Variants in VWC2L observed in about 807,000 individuals in gnomAD.
VWC2L encodes von Willebrand factor C domain-containing protein 2-like.
Under a neutral mutation model 21.6 loss-of-function variants are expected in VWC2L, and 10 were observed. That is an observed-to-expected ratio of 0.46 (90% CI 0.29 to 0.78). VWC2L has a LOEUF of 0.78. VWC2L is among the 30% of genes least tolerant of loss of function. The pLI, the probability that VWC2L is intolerant of heterozygous loss-of-function variation, is 0.10. For missense variants in VWC2L, 209 were observed against 277.1 expected, an observed-to-expected ratio of 0.75 and a Z score of 1.74; for synonymous variants, 96 against 94.3, an observed-to-expected ratio of 1.02 and a Z score of -0.10.
intron 3 of VWC2L, among the ~76,000 whole-genome samples, chr2:214,515,060 C>G (rs1344619094): frequency 6.6e-6 from 1 of 152,126 alleles, no homozygotes; most frequent in African/African-American, 2.4e-5. Context: ...CTGCCCCCAC[C>G]CAGTCCATCT....
chr2:214,528,977 T>C (rs565791413), intron 3 of VWC2L, among the ~76,000 whole-genome samples: 26 of 152,276 alleles, frequency 1.7e-4, no homozygotes, highest in African/African-American at 6.0e-4. Flanking sequence ...CCTACAAAAA[T>C]AGCCATTTCT....
chr2:214,551,126 A>C (rs1689787838), intron 3 of VWC2L, among the ~76,000 whole-genome samples: 2 of 152,230 alleles, frequency 1.3e-5, no homozygotes, highest in African/African-American at 4.8e-5. Flanking sequence ...AAGATAGTTA[A>C]ATGATATCAT....
rs1226655084 is a variant in VWC2L at position 214,465,747 on chromosome 2, A to G, written c.520+28989A>G. On this transcript the variant is annotated intron_variant, in intron 3 of 3. Coordinates refer to ENST00000312504, the MANE Select transcript of VWC2L (RefSeq NM_001080500.4). The stretch of plus-strand genomic sequence containing the variant: ...CCTTTCAAGTTTATTTAGGACCCCT[A>G]AGCACTTTAGCGTGTGGTGGTAGGT... Among the ~76,000 whole-genome samples, 3 of 152,258 alleles carry G rather than the reference A, an allele frequency of 2.0e-5. No homozygotes were observed. In the East Asian group the frequency reaches 5.8e-4, roughly 29 times the overall value.
chr2:214,484,620 TAG>T (rs1345426318), intron 3 of VWC2L, among the ~76,000 whole-genome samples: 12 of 152,176 alleles, frequency 7.9e-5, no homozygotes, highest in Non-Finnish European at 1.5e-4. Context: ...AAGTTTCTCT[TAG>T]GCCTCTTTAT....
chr2:214,479,457 TA>T (rs1435869228), intron 3 of VWC2L, among the ~76,000 whole-genome samples: 1 of 152,202 alleles, frequency 6.6e-6, no homozygotes, highest in Admixed American at 6.5e-5. Context: ...AATCAAAATA[TA>T]AAATCTACTA....
chr2:214,546,980 T>G (rs988127333), intron 3 of VWC2L, among the ~76,000 whole-genome samples: 1 of 152,190 alleles, frequency 6.6e-6, no homozygotes, highest in Non-Finnish European at 1.5e-5. Context: ...AGTGTCTTTG[T>G]GGTGTTCAAA....
At chr2:214,564,162 T>A (rs1460573730) in intron 3 of VWC2L, among the ~76,000 whole-genome samples, 1 of 151,966 alleles carries the variant, frequency 6.6e-6, no homozygotes, top group East Asian at 1.9e-4. Flanking sequence ...CTCAGAGAAA[T>A]CAGAGAGGAC....
chr2:214,465,472 G>A (rs1703202090), intron 3 of VWC2L, among the ~76,000 whole-genome samples: 1 of 152,270 alleles, frequency 6.6e-6, no homozygotes, highest in South Asian at 2.1e-4. Flanking sequence ...ACTCTGCCTG[G>A]TGCCCTATTC....
chr2:214,474,513 GACA>G (rs1440437885), intron 3 of VWC2L, among the ~76,000 whole-genome samples: 2 of 152,164 alleles, frequency 1.3e-5, no homozygotes, highest in African/African-American at 2.4e-5. Context: ...AGAGAAATAT[GACA>G]ACATTTGAGG....
At chr2:214,509,819 C>T (rs1689025277) in intron 3 of VWC2L, among the ~76,000 whole-genome samples, 2 of 152,124 alleles carry the variant, frequency 1.3e-5, no homozygotes, top group Admixed American at 1.3e-4. Context: ...TGGCTCCCTT[C>T]CTATTCTTTT....
chr2:214,506,080 G>A (rs980225784), intron 3 of VWC2L, among the ~76,000 whole-genome samples: 1 of 152,108 alleles, frequency 6.6e-6, no homozygotes, highest in African/African-American at 2.4e-5. Context: ...AAGGTCTCAG[G>A]AAGGACAGTT....
At chr2:214,457,193 A>G (rs1703070074) in intron 3 of VWC2L, among the ~76,000 whole-genome samples, 1 of 152,104 alleles carries the variant, frequency 6.6e-6, no homozygotes, top group Admixed American at 6.5e-5. Context: ...CTGATCCATG[A>G]ACATGGAATG....
Position 214,420,056 on chromosome 2 carries a change from TC to T in VWC2L, c.390+5475del, listed in dbSNP as rs59955432. The stretch of plus-strand genomic sequence containing the variant: ...CCTGGGCAACAGAAGGAGACTCTGT[TC>T]CAAAAAAAGAAATAAGAAAATTAAG... On this transcript the variant is annotated intron_variant, in intron 2 of 3. Coordinates refer to ENST00000312504, the MANE Select transcript of VWC2L (RefSeq NM_001080500.4). Among the ~76,000 whole-genome samples, 255 of 152,044 alleles carry T rather than the reference TC, an allele frequency of 1.7e-3. 5 individuals carry two copies. Among genetic ancestry groups the T allele is most frequent in the African/African-American group, 5.9e-3 (244 of 41,460 alleles).
chr2:214,476,439 A>T (rs148149104), intron 3 of VWC2L, among the ~76,000 whole-genome samples: 88 of 152,350 alleles, frequency 5.8e-4, no homozygotes, highest in African/African-American at 2.0e-3. Flanking sequence ...TACAGAGCAG[A>T]GTATCAAATG....
intron 3 of VWC2L, among the ~76,000 whole-genome samples, chr2:214,490,819 AAAAG>A (rs1468469813): frequency 6.6e-6 from 1 of 152,220 alleles, no homozygotes; most frequent in Non-Finnish European, 1.5e-5. Context: ...TAAACAGAGA[AAAAG>A]AAGGTAAGGA....
chr2:214,439,437 C>T (rs1175878818), intron 3 of VWC2L, among the ~76,000 whole-genome samples: 1 of 151,622 alleles, frequency 6.6e-6, no homozygotes, highest in South Asian at 2.1e-4. Flanking sequence ...TTTTAAAAAG[C>T]AACAATAAGC....
intron 3 of VWC2L, among the ~76,000 whole-genome samples, chr2:214,563,564 A>AAAAAAAAAAAAAAAAAAT: frequency 7.3e-6 from 1 of 137,686 alleles, no homozygotes. Flanking sequence ...AAAAAAAAAA[A>AAAAAAAAAAAAAAAAAAT]AAAAAAAAAA....
chr2:214,529,113 C>T (rs1689392171), intron 3 of VWC2L, among the ~76,000 whole-genome samples: 2 of 152,110 alleles, frequency 1.3e-5, no homozygotes. Context: ...ATGACAAAAC[C>T]AGGATCTGAA....
intron 3 of VWC2L, among the ~76,000 whole-genome samples, chr2:214,573,847 G>C (rs999722052): frequency 6.6e-6 from 1 of 152,118 alleles, no homozygotes; most frequent in Admixed American, 6.5e-5. Context: ...TAGAATCATA[G>C]AATCAGAACA....
Sources: gnomAD v4.1 joint callset for allele counts (sites outside exome capture counted in the v4.1 genomes callset) on GRCh38, gnomAD v4.1.1 for gene constraint, MANE v1.5 for transcripts, NCBI Gene and HGNC (gene_info 2026-07-23, HGNC 2026-07-21) for gene names.